Variants in AFG2A observed in about 807,000 individuals in gnomAD.
The protein encoded by AFG2A is AAA ATPase AFG2A.
At chr4:123,246,182 T>A in the AFG2A span, among the ~76,000 whole-genome samples, 1 of 152,216 alleles carries the variant, frequency 6.6e-6, no homozygotes, top group Non-Finnish European at 1.5e-5. Context: ...CTTTGCACAA[T>A]GGAGTGGCAT....
chr4:123,295,330 A>T, the AFG2A span, among the ~76,000 whole-genome samples: 1 of 152,224 alleles, frequency 6.6e-6, no homozygotes, highest in East Asian at 1.9e-4. Context: ...AGAAAAGGCA[A>T]AATTTTACCA....
chr4:123,185,922 T>G, the AFG2A span, among the ~76,000 whole-genome samples: 1 of 152,038 alleles, frequency 6.6e-6, no homozygotes. Flanking sequence ...AAATATGCAT[T>G]GTATTGATGT....
At chr4:123,183,201 A>G in the AFG2A span, among the ~76,000 whole-genome samples, 1 of 152,340 alleles carries the variant, frequency 6.6e-6, no homozygotes, top group African/African-American at 2.4e-5. Flanking sequence ...TACTACCTGT[A>G]TGAATTTCAG....
chr4:123,151,480 C>T, the AFG2A span, among the ~76,000 whole-genome samples: 2 of 152,110 alleles, frequency 1.3e-5, no homozygotes, highest in Non-Finnish European at 2.9e-5. Context: ...AGGATATCAA[C>T]AGACACTCCT....
At chr4:123,004,845 G>C in the AFG2A span, among the ~76,000 whole-genome samples, 16 of 152,160 alleles carry the variant, frequency 1.1e-4, no homozygotes, top group East Asian at 2.7e-3. Context: ...TCTGGGTCTG[G>C]AATTTTCATT....
chr4:123,305,444 C>T, the AFG2A span, among the ~76,000 whole-genome samples: 1 of 152,128 alleles, frequency 6.6e-6, no homozygotes, highest in Non-Finnish European at 1.5e-5. Flanking sequence ...CAGCCAATAG[C>T]GAGGACATGC....
the AFG2A span, among the ~76,000 whole-genome samples, chr4:123,216,198 G>T: frequency 1.3e-3 from 205 of 152,144 alleles, 1 homozygote; most frequent in African/African-American, 4.8e-3. Context: ...TTTCTAGGAG[G>T]TATTCCACTG....
chr4:122,934,114 C>A, the AFG2A span: 1 of 1,594,356 alleles, frequency 6.3e-7, no homozygotes, highest in Non-Finnish European at 8.6e-7. Context: ...GATTGTTTTA[C>A]CAGGCAACTT....
chr4:123,211,475 T>C, the AFG2A span, among the ~76,000 whole-genome samples: 1 of 152,134 alleles, frequency 6.6e-6, no homozygotes, highest in Non-Finnish European at 1.5e-5. Context: ...TCCTTGGATA[T>C]ATACCACCCA....
the AFG2A span, among the ~76,000 whole-genome samples, chr4:122,987,299 T>C: frequency 6.6e-6 from 1 of 152,266 alleles, no homozygotes; most frequent in African/African-American, 2.4e-5. Flanking sequence ...ACAATGCATA[T>C]AGAATACTTT....
chr4:123,271,618 G>C, the AFG2A span, among the ~76,000 whole-genome samples: 1 of 152,102 alleles, frequency 6.6e-6, no homozygotes, highest in African/African-American at 2.4e-5. Flanking sequence ...ATCATGCATG[G>C]TTCATGGCTT....
At chr4:123,105,052 C>A in the AFG2A span, among the ~76,000 whole-genome samples, 1 of 152,190 alleles carries the variant, frequency 6.6e-6, no homozygotes. Flanking sequence ...CTAGGACTTT[C>A]ATAGCTAGAG....
At chr4:123,083,797 C>A in the AFG2A span, among the ~76,000 whole-genome samples, 6 of 151,490 alleles carry the variant, frequency 4.0e-5, no homozygotes, top group Non-Finnish European at 8.8e-5. Flanking sequence ...GTGATATGTT[C>A]GTTTGGTTTT....
At chr4:123,045,788 T>G in the AFG2A span, among the ~76,000 whole-genome samples, 1 of 152,242 alleles carries the variant, frequency 6.6e-6, no homozygotes, top group East Asian at 1.9e-4. Flanking sequence ...GGAAGTTATT[T>G]TGGGACTATA....
chr4:123,116,304 C>G, the AFG2A span, among the ~76,000 whole-genome samples: 1 of 152,118 alleles, frequency 6.6e-6, no homozygotes, highest in Admixed American at 6.5e-5. Flanking sequence ...TTAAACCAAA[C>G]AAAAATTATT....
At chr4:123,166,041 A>T in the AFG2A span, among the ~76,000 whole-genome samples, 1 of 152,192 alleles carries the variant, frequency 6.6e-6, no homozygotes, top group African/African-American at 2.4e-5. Context: ...CTTATGTCCA[A>T]TGGAGCATTG....
chr4:123,261,014 C>T, the AFG2A span, among the ~76,000 whole-genome samples: 16 of 152,164 alleles, frequency 1.1e-4, no homozygotes, highest in African/African-American at 9.6e-5. Context: ...GTGAACTATG[C>T]GTGCGAGGGA....
the AFG2A span, among the ~76,000 whole-genome samples, chr4:122,995,876 C>T: frequency 6.6e-6 from 1 of 152,156 alleles, no homozygotes; most frequent in Non-Finnish European, 1.5e-5. Flanking sequence ...GATAATAATT[C>T]GCATAAAGAC....
chr4:123,014,105 C>T, the AFG2A span, among the ~76,000 whole-genome samples: 1 of 152,164 alleles, frequency 6.6e-6, no homozygotes. Flanking sequence ...AGAATCCCCT[C>T]TGTCTTCCCT....
Sources: gnomAD v4.1 joint callset for allele counts (sites outside exome capture counted in the v4.1 genomes callset) on GRCh38, gnomAD v4.1.1 for gene constraint, MANE v1.5 for transcripts, NCBI Gene and HGNC (gene_info 2026-07-23, HGNC 2026-07-21) for gene names.